The following ZFAT variants were observed in gnomAD, a reference collection of about 807,000 sequenced individuals.
The protein encoded by ZFAT is zinc finger and AT-hook domain containing.
In ZFAT, 64 loss-of-function variants were observed where a neutral mutation model predicts 117.7. That is an observed-to-expected ratio of 0.54 (90% confidence interval 0.44 to 0.67). The LOEUF is 0.67. Among genes scored for constraint, ZFAT ranks in the 30% least tolerant of loss-of-function variants. The pLI, the probability that ZFAT is intolerant of heterozygous loss-of-function variation, is 0.00. For missense variants in ZFAT, 1,433 were observed against 1,584.5 expected (o/e 0.90, Z 1.62); for synonymous variants, 679 against 615.0 (o/e 1.10, Z -1.54).
At chr8:134,782,927 G>C in the ZFAT span, among the ~76,000 whole-genome samples, 1 of 151,652 alleles carries the variant, frequency 6.6e-6, no homozygotes, top group Non-Finnish European at 1.5e-5. Context: ...CCTACCCCAA[G>C]CTTTAAGTTT....
At chr8:134,769,807 T>G in the ZFAT span, among the ~76,000 whole-genome samples, 1 of 152,252 alleles carries the variant, frequency 6.6e-6, no homozygotes, top group Non-Finnish European at 1.5e-5. Context: ...TTCTGAAATC[T>G]AGGCAGAGGT....
the ZFAT span, among the ~76,000 whole-genome samples, chr8:134,760,296 A>ACAAAC: frequency 1.6e-3 from 229 of 147,648 alleles, 1 homozygote; most frequent in African/African-American, 4.4e-3. Flanking sequence ...AAACAAACAA[A>ACAAAC]AAACAAACAA....
At chr8:134,547,193 T>A (rs1822764382) in intron 11 of ZFAT, among the ~76,000 whole-genome samples, 1 of 152,220 alleles carries the variant, frequency 6.6e-6, no homozygotes, top group Non-Finnish European at 1.5e-5. Flanking sequence ...GTCTGTTGGA[T>A]CCTAATGTTC....
chr8:134,790,864 AACT>A, the ZFAT span, among the ~76,000 whole-genome samples: 1 of 151,898 alleles, frequency 6.6e-6, no homozygotes, highest in Non-Finnish European at 1.5e-5. Context: ...AAATTTTAAA[AACT>A]AGCCAGGCAA....
intron 10 of ZFAT, among the ~76,000 whole-genome samples, chr8:134,572,457 T>C (rs1680681430): frequency 1.3e-5 from 2 of 152,214 alleles, no homozygotes; most frequent in African/African-American, 2.4e-5. Flanking sequence ...CGCAGAGCCA[T>C]AAAATGATAC....
At chr8:134,502,058 C>T (rs537559017) in intron 15 of ZFAT, among the ~76,000 whole-genome samples, 4 of 152,292 alleles carry the variant, frequency 2.6e-5, no homozygotes, top group South Asian at 4.1e-4. Context: ...TAGAATAGAG[C>T]GCTTGTTTTT....
In ZFAT at chr8:134,614,502, G is replaced by A. The variant is rs543588659; in HGVS notation, c.449-3847C>T. 8.5e-5 allele frequency among the ~76,000 whole-genome samples: 13 copies of A among 152,198 alleles called. No homozygotes were observed. The South Asian group carries it at 1.5e-3, about 17-fold the overall frequency. On this transcript the variant is annotated intron_variant, in intron 3 of 15. Coordinates refer to ENST00000377838, the MANE Select transcript of ZFAT (RefSeq NM_020863.4). ...TCTCCTTACACACACACAGAGCACC[G>A]AACCAACGGTTGGACTTTCCCACAC...
chr8:134,748,839 C>T, the ZFAT span, among the ~76,000 whole-genome samples: 1 of 152,086 alleles, frequency 6.6e-6, no homozygotes, highest in East Asian at 1.9e-4. Context: ...TTCATATGTT[C>T]TTTGGCCATT....
the ZFAT span, among the ~76,000 whole-genome samples, chr8:134,761,895 G>T: frequency 6.6e-6 from 1 of 151,848 alleles, no homozygotes; most frequent in Non-Finnish European, 1.5e-5. Context: ...TTGATTCAAG[G>T]TTCATATTAG....
At chr8:134,814,694 C>T in the ZFAT span, among the ~76,000 whole-genome samples, 1 of 152,240 alleles carries the variant, frequency 6.6e-6, no homozygotes. Context: ...CCACAACACA[C>T]TAAGCTTGCC....
chr8:134,645,262 A>G lies in ZFAT; in HGVS notation c.197-7550T>C, dbSNP rs142339778. ...ATTAAACCATTTCAAGTAGCTCTCA[A>G]TTTAAAATGAATTGTGAAGGTTAAA... is the stretch of plus-strand genomic sequence containing the variant. On this transcript the variant is annotated intron_variant, in intron 2 of 15. Coordinates refer to ENST00000377838, the MANE Select transcript of ZFAT (RefSeq NM_020863.4). Among the ~76,000 whole-genome samples, 437 of 152,372 alleles carry G rather than the reference A, an allele frequency of 2.9e-3. 1 individual carries two copies. Among genetic ancestry groups the G allele is most frequent in the African/African-American group, 9.1e-3 (378 of 41,588 alleles).
At chr8:134,726,606 T>G in the ZFAT span, among the ~76,000 whole-genome samples, 1 of 152,022 alleles carries the variant, frequency 6.6e-6, no homozygotes, top group South Asian at 2.1e-4. Flanking sequence ...TTTGGAGGGT[T>G]TTCTTTGAGA....
At chr8:134,780,703 A>G in the ZFAT span, among the ~76,000 whole-genome samples, 2 of 152,230 alleles carry the variant, frequency 1.3e-5, no homozygotes, top group Non-Finnish European at 2.9e-5. Flanking sequence ...AATAGTTAAT[A>G]TATTTAAGTA....
chr8:134,806,910 TGAG>T, the ZFAT span, among the ~76,000 whole-genome samples: 1 of 152,216 alleles, frequency 6.6e-6, no homozygotes, highest in Non-Finnish European at 1.5e-5. Context: ...TAAAGTCTAA[TGAG>T]GGGATAGCTG....
the ZFAT span, among the ~76,000 whole-genome samples, chr8:134,791,188 A>C: frequency 6.6e-6 from 1 of 152,172 alleles, no homozygotes; most frequent in Non-Finnish European, 1.5e-5. Flanking sequence ...TGAAATGTAA[A>C]CTTCAACTCT....
chr8:134,770,989 C>T, the ZFAT span, among the ~76,000 whole-genome samples: 1 of 152,146 alleles, frequency 6.6e-6, no homozygotes, highest in Non-Finnish European at 1.5e-5. Flanking sequence ...GACAATGGTG[C>T]CCGAAACTTC....
chr8:134,614,279 T>C (rs968101511), intron 3 of ZFAT, among the ~76,000 whole-genome samples: 2 of 152,128 alleles, frequency 1.3e-5, no homozygotes, highest in African/African-American at 4.8e-5. Context: ...TCCTACCCCT[T>C]TGGGCTCCAA....
chr8:134,803,540 A>C, the ZFAT span, among the ~76,000 whole-genome samples: 1 of 152,218 alleles, frequency 6.6e-6, no homozygotes, highest in Non-Finnish European at 1.5e-5. Context: ...TTGGAAAGCC[A>C]CCTGAGTCTG....
the ZFAT span, among the ~76,000 whole-genome samples, chr8:134,823,189 A>G: frequency 0.053 from 8,060 of 152,260 alleles, 311 homozygotes; most frequent in Non-Finnish European, 0.079. Context: ...AACAGCCTAC[A>G]TTTCACTGGG....
Sources: allele counts gnomAD v4.1 joint callset (sites outside exome capture counted in the v4.1 genomes callset), GRCh38; gene constraint gnomAD v4.1.1; transcripts MANE v1.5; gene names NCBI Gene and HGNC (gene_info 2026-07-23, HGNC 2026-07-21).